The following TSNARE1 variants were observed in gnomAD, a reference collection of about 807,000 sequenced individuals.
TSNARE1 encodes the protein t-SNARE domain containing 1.
Under a neutral mutation model 62.0 loss-of-function variants are expected in TSNARE1, and 49 were observed. The ratio of observed to expected loss-of-function variants is 0.79; its 90% CI spans 0.63 to 1.00. The LOEUF is 1.00. Ranked by LOEUF, TSNARE1 falls within the 50% of genes least tolerant of loss-of-function variation. The probability of loss-of-function intolerance (pLI) is 0.00; values close to 1 mark genes in which losing one functional copy is unlikely to be tolerated. For synonymous variants in TSNARE1, 328 were observed against 294.4 expected, an observed-to-expected ratio of 1.11 and a Z score of -1.17; for missense variants, 755 against 700.1, an observed-to-expected ratio of 1.08 and a Z score of -0.88.
At chr8:142,311,377 A>T (rs111788747) in intron 9 of TSNARE1, among the ~76,000 whole-genome samples, 1 of 143,776 alleles carries the variant, frequency 7.0e-6, no homozygotes, top group Non-Finnish European at 1.5e-5. Flanking sequence ...GGCTCACCAC[A>T]GCCTCTGCCT....
chr8:142,271,399 C>T, intron 12 of TSNARE1: 4 of 1,237,070 alleles, frequency 3.2e-6, no homozygotes, highest in Non-Finnish European at 4.0e-6. Flanking sequence ...CGCCCTGCTG[C>T]CGGTGGGAGT....
chr8:142,277,189 A>G, intron 11 of TSNARE1: 1 of 985,228 alleles, frequency 1.0e-6, no homozygotes, highest in Non-Finnish European at 1.2e-6. Flanking sequence ...TCCTCCCAAC[A>G]CAGGGGGTGC....
intron 6 of TSNARE1, 131 bp from the exon 7 acceptor site, chr8:142,318,765 GGA>G: frequency 1.3e-6 from 1 of 762,422 alleles, no homozygotes; most frequent in East Asian, 2.6e-5. Context: ...ATGGACAGGC[GGA>G]GAGAGGGCCG....
intron 13 of TSNARE1, among the ~76,000 whole-genome samples, chr8:142,219,447 G>C (rs560258136): frequency 1.3e-5 from 2 of 152,294 alleles, no homozygotes; most frequent in African/African-American, 4.8e-5. Context: ...TCAGGGAGAG[G>C]CTGTCGCCCT....
rs1322328437 is a variant in TSNARE1 at position 142,319,941 on chromosome 8, C to T, written c.894-1307G>A. On this transcript the variant is annotated intron_variant, in intron 6 of 13. Transcript: ENST00000524325. This position sits in a 1 kb window ranked among gnomAD's most constrained non-coding sequence, Gnocchi z 4.9. The stretch of plus-strand genomic sequence containing the variant: ...CAGGGCCGCCTCCTCCTGCAGCTGG[C>T]GTCTGAGGCTTTGGAGAGCCTCCAG... Among the ~76,000 whole-genome samples the T allele has an allele frequency of 2.0e-5, 3 of 152,136 alleles. No individual in the cohort carries two copies. The highest frequency in any genetic ancestry group is 4.4e-5 in the Non-Finnish European group (3 of 68,012).
chr8:142,357,571 G>A (rs1834846548), intron 1 of TSNARE1, among the ~76,000 whole-genome samples: 4 of 152,164 alleles, frequency 2.6e-5, no homozygotes, highest in Admixed American at 2.6e-4. Flanking sequence ...GTGGAGCTAG[G>A]GATTGGCACG....
chr8:142,283,328 C>T (rs912554739), intron 11 of TSNARE1, among the ~76,000 whole-genome samples: 1 of 150,054 alleles, frequency 6.7e-6, no homozygotes, highest in African/African-American at 2.4e-5. Context: ...TGCCAATGAG[C>T]AGAGGCGGGG....
chr8:142,341,299 T>C (rs1201996191), intron 4 of TSNARE1, among the ~76,000 whole-genome samples: 2 of 152,066 alleles, frequency 1.3e-5, no homozygotes, highest in Non-Finnish European at 2.9e-5. Context: ...GGCAGTCTTC[T>C]TCGGAGTAAC....
At chr8:142,261,390 G>C (rs1400159868) in intron 12 of TSNARE1, among the ~76,000 whole-genome samples, 1 of 135,964 alleles carries the variant, frequency 7.4e-6, no homozygotes, top group Admixed American at 7.2e-5. Context: ...AGAGAGGGGG[G>C]AGGGAGGGAT....
chr8:142,261,430 G>A (rs1818883238), intron 12 of TSNARE1, among the ~76,000 whole-genome samples: 1 of 150,668 alleles, frequency 6.6e-6, no homozygotes, highest in South Asian at 2.1e-4. Flanking sequence ...GAGGGATGAA[G>A]GAGAGAGGGA....
intron 10 of TSNARE1, among the ~76,000 whole-genome samples, chr8:142,285,326 A>ATGGATGGGTAGGTGGATG (rs1822528148): frequency 2.6e-5 from 2 of 78,062 alleles, no homozygotes; most frequent in South Asian, 5.0e-4. Context: ...GTAGGTGGAT[A>ATGGATGGGTAGGTGGATG]GGTGGTTGGA....
In TSNARE1 at chr8:142,229,612, T is replaced by C. The variant is rs755014162; in HGVS notation, c.1447-33A>G. 7 of 1,603,332 alleles carry C rather than the reference T, an allele frequency of 4.4e-6. No individual in the cohort carries two copies. The Admixed American group carries it at 1.2e-4, about 27-fold the overall frequency. Reference sequence around the variant, plus strand: ...AGAGAGAGAGGTTGTTTCCATATCCTGGTCCTCCAACCTCCCATCCTCAGG... The same window carrying C: ...AGAGAGAGAGGTTGTTTCCATATCCCGGTCCTCCAACCTCCCATCCTCAGG... On this transcript the variant is annotated intron_variant, in intron 12 of 13. Transcript: ENST00000524325.
intron 13 of TSNARE1, among the ~76,000 whole-genome samples, chr8:142,216,111 C>T (rs1251594747): frequency 6.6e-6 from 1 of 152,160 alleles, no homozygotes; most frequent in Admixed American, 6.5e-5. Flanking sequence ...ATGAGCCTTC[C>T]CCACTCCCTG....
chr8:142,254,829 G>A (rs1190956165), intron 12 of TSNARE1, among the ~76,000 whole-genome samples: 1 of 152,180 alleles, frequency 6.6e-6, no homozygotes, highest in Non-Finnish European at 1.5e-5. Context: ...ACGGCCAAGG[G>A]GAGGAGAGTC....
In TSNARE1 at chr8:142,344,023, T is replaced by G. The variant is rs1346249115; in HGVS notation, c.688A>C (p.Lys230Gln). 9 of 1,568,098 alleles carry G rather than the reference T, an allele frequency of 5.7e-6. No homozygotes were observed. The highest frequency in any genetic ancestry group is 1.8e-5 in the Admixed American group (1 of 56,142). ...ALTPVEQVVAKTFSCQALPSE... is the reference protein window; with the variant it reads ...ALTPVEQVVAQTFSCQALPSE... ...GGCAGGGCCTGGCAAGAGAAGGTCT[T>G]GGCCACCACCTGCTCCACGGGCGTG... Residue 230 changes from lysine (K) to glutamine (Q), a missense_variant, in exon 4 of 14, where the codon AAG (lysine) becomes CAG (glutamine). Coordinates refer to ENST00000524325, the MANE Select transcript of TSNARE1 (RefSeq NM_145003.5).
chr8:142,260,036 G>A (rs1388050398), intron 12 of TSNARE1, among the ~76,000 whole-genome samples: 1 of 151,744 alleles, frequency 6.6e-6, no homozygotes, highest in African/African-American at 2.4e-5. Flanking sequence ...CCCCCAGCCC[G>A]CCTCTGCTTG....
At position 142,348,927 on chromosome 8, in the gene TSNARE1, C is replaced by A. The variant is rs115592888; in HGVS notation, c.89-3035G>T. On this transcript the variant is annotated intron_variant, in intron 2 of 13. Coordinates refer to ENST00000524325, the MANE Select transcript of TSNARE1 (RefSeq NM_145003.5). ...CTAAGGTGCTGCACAGTTAGGGTGG[C>A]AGGACTTTGGCACACAGCAGGGACT... 6.0e-3 allele frequency among the ~76,000 whole-genome samples: 913 copies of A among 152,262 alleles called. 8 individuals carry two copies. The highest frequency in any genetic ancestry group is 0.021 in the African/African-American group (856 of 41,546).
intron 6 of TSNARE1, chr8:142,326,272 G>A (rs55829972): frequency 0.25 from 24,919 of 100,468 alleles, 3,373 homozygotes; most frequent in East Asian, 0.38. Context: ...GGAGGGCCCC[G>A]GAGACCACGA....
intron 12 of TSNARE1, among the ~76,000 whole-genome samples, chr8:142,266,568 G>A (rs1819144737): frequency 6.6e-6 from 1 of 152,176 alleles, no homozygotes; most frequent in Non-Finnish European, 1.5e-5. Flanking sequence ...TTCCTCTGCT[G>A]CCAATGTAAT....
Sources: allele counts gnomAD v4.1 joint callset (sites outside exome capture counted in the v4.1 genomes callset), GRCh38; gene constraint gnomAD v4.1.1; non-coding constraint Gnocchi (gnomAD v3.1); transcripts MANE v1.5; gene names NCBI Gene and HGNC (gene_info 2026-07-23, HGNC 2026-07-21).